The following WWOX variants were observed in gnomAD, a reference collection of about 807,000 sequenced individuals.
WWOX encodes WW domain-containing oxidoreductase.
In WWOX, 69 loss-of-function variants were observed where a neutral mutation model predicts 46.2. The ratio of observed to expected loss-of-function variants is 1.49; its 90% CI spans 1.23 to 1.82. The LOEUF is 1.82. Among genes scored for constraint, WWOX ranks in the 40% most tolerant of loss-of-function variants. The pLI is 0.00. For synonymous variants in WWOX, 359 were observed against 202.6 expected (o/e 1.77, Z -6.56); for missense variants, 919 against 542.6 (o/e 1.69, Z -6.89).
chr16:78,510,487 A>G (rs764496503), intron 8 of WWOX, among the ~76,000 whole-genome samples: 4 of 152,130 alleles, frequency 2.6e-5, no homozygotes, highest in Non-Finnish European at 5.9e-5. Context: ...TGCTGGGATT[A>G]CAGTCGTGAG....
At chr16:79,156,460 A>G (rs2050383978) in intron 8 of WWOX, among the ~76,000 whole-genome samples, 1 of 152,186 alleles carries the variant, frequency 6.6e-6, no homozygotes, top group African/African-American at 2.4e-5. Flanking sequence ...CGCTCCCAGC[A>G]ACAATTGCAG....
chr16:78,433,060 G>A (rs537437966), intron 8 of WWOX, among the ~76,000 whole-genome samples: 1 of 152,186 alleles, frequency 6.6e-6, no homozygotes, highest in South Asian at 2.1e-4. Flanking sequence ...TTTTTATTCA[G>A]AAACTTTGAA....
At chr16:78,714,864 G>C (rs1016764122) in intron 8 of WWOX, among the ~76,000 whole-genome samples, 3 of 152,210 alleles carry the variant, frequency 2.0e-5, no homozygotes, top group African/African-American at 7.2e-5. Context: ...TTTTAAGCCA[G>C]AGAGAGATTG....
At chr16:79,022,253 C>A (rs979348846) in intron 8 of WWOX, among the ~76,000 whole-genome samples, 1 of 147,794 alleles carries the variant, frequency 6.8e-6, no homozygotes, top group Admixed American at 6.9e-5. Context: ...ATGACAAGTG[C>A]TTGGGGCACA....
intron 8 of WWOX, among the ~76,000 whole-genome samples, chr16:78,685,258 G>C (rs1243443868): frequency 1.3e-5 from 2 of 152,138 alleles, no homozygotes; most frequent in Admixed American, 6.5e-5. Flanking sequence ...GTTTGGTTTG[G>C]TCTTGTTTCT....
chr16:78,395,345 C>T (rs2082261388), intron 6 of WWOX, among the ~76,000 whole-genome samples: 2 of 152,096 alleles, frequency 1.3e-5, no homozygotes. Flanking sequence ...TTGGCAAAAC[C>T]TTGTCTCTAC....
At chr16:79,157,855 C>G (rs980468908) in intron 8 of WWOX, among the ~76,000 whole-genome samples, 3 of 152,154 alleles carry the variant, frequency 2.0e-5, no homozygotes, top group Non-Finnish European at 2.9e-5. Context: ...GGTAAGTAGA[C>G]TAGGGTTTGA....
At chr16:78,575,453 G>A (rs2044854043) in intron 8 of WWOX, among the ~76,000 whole-genome samples, 1 of 151,840 alleles carries the variant, frequency 6.6e-6, no homozygotes, top group Non-Finnish European at 1.5e-5. Context: ...ACTCCTGAGG[G>A]ATGCTCAGGA....
chr16:78,261,796 A>G (rs201647546), intron 5 of WWOX, among the ~76,000 whole-genome samples: 2,812 of 70,750 alleles, frequency 0.04, 60 homozygotes, highest in African/African-American at 0.089. Context: ...ATCTATATAT[A>G]TATATATATA....
intron 8 of WWOX, among the ~76,000 whole-genome samples, chr16:79,132,415 A>G (rs1292088206): frequency 6.6e-6 from 1 of 152,172 alleles, no homozygotes; most frequent in Non-Finnish European, 1.5e-5. Context: ...GACAACCTAA[A>G]TAAAGCCACA....
chr16:79,087,919 G>C (rs537277267), intron 8 of WWOX, among the ~76,000 whole-genome samples: 1 of 152,150 alleles, frequency 6.6e-6, no homozygotes, highest in Non-Finnish European at 1.5e-5. Flanking sequence ...AGGAGGCCTA[G>C]GGACCCTTGG....
chr16:78,873,751 T>C (rs2044176355), intron 8 of WWOX, among the ~76,000 whole-genome samples: 1 of 152,122 alleles, frequency 6.6e-6, no homozygotes, highest in African/African-American at 2.4e-5. Flanking sequence ...ATTGTACCAC[T>C]GTACTCCAGC....
intron 5 of WWOX, among the ~76,000 whole-genome samples, chr16:78,373,857 G>A (rs908531489): frequency 2.0e-5 from 3 of 152,014 alleles, no homozygotes; most frequent in African/African-American, 4.8e-5. Context: ...GCTTGATCTC[G>A]GCTCACTGCA....
chr16:78,661,763 A>G (rs572219060), intron 8 of WWOX, among the ~76,000 whole-genome samples: 18 of 152,206 alleles, frequency 1.2e-4, no homozygotes, highest in Non-Finnish European at 1.8e-4. Context: ...TAGACTGGGT[A>G]CAATGGCTGA....
At chr16:79,036,231 ACTCT>A (rs1216054718) in intron 8 of WWOX, among the ~76,000 whole-genome samples, 2 of 151,686 alleles carry the variant, frequency 1.3e-5, no homozygotes, top group African/African-American at 2.4e-5. Flanking sequence ...CTTTCTCCCC[ACTCT>A]GTCAACCATG....
intron 5 of WWOX, among the ~76,000 whole-genome samples, chr16:78,320,666 G>C (rs1447583359): frequency 6.6e-6 from 1 of 152,168 alleles, no homozygotes; most frequent in Non-Finnish European, 1.5e-5. Flanking sequence ...TCTGGATGAA[G>C]AATGAAATAT....
chr16:78,784,569 G>C (rs186487129), intron 8 of WWOX, among the ~76,000 whole-genome samples: 2 of 152,256 alleles, frequency 1.3e-5, no homozygotes, highest in East Asian at 3.9e-4. Flanking sequence ...AGGGGGAATT[G>C]ATAATAGGAA....
At chr16:78,798,111 C>T (rs1597627752) in intron 8 of WWOX, among the ~76,000 whole-genome samples, 1 of 152,282 alleles carries the variant, frequency 6.6e-6, no homozygotes, top group East Asian at 1.9e-4. Context: ...GTAGCTTGCT[C>T]ATGTTATATA....
intron 8 of WWOX, among the ~76,000 whole-genome samples, chr16:79,008,442 C>G (rs1465463849): frequency 2.0e-5 from 3 of 152,166 alleles, no homozygotes; most frequent in African/African-American, 7.2e-5. Context: ...GGTAGCCTAA[C>G]TCACTCAGGG....
Sources: allele counts gnomAD v4.1 joint callset (sites outside exome capture counted in the v4.1 genomes callset), GRCh38; gene constraint gnomAD v4.1.1; transcripts MANE v1.5; gene names NCBI Gene and HGNC (gene_info 2026-07-23, HGNC 2026-07-21).